ZC3H12B: variants seen among roughly 807,000 people sequenced by gnomAD.
ZC3H12B encodes the protein zinc finger CCCH-type containing 12B.
ZC3H12B carries 7 observed loss-of-function variants against 43.9 expected under a neutral mutation model. The ratio of observed to expected loss-of-function variants is 0.16; its 90% CI spans 0.09 to 0.30. ZC3H12B has a LOEUF of 0.30. ZC3H12B is among the 10% of genes least tolerant of loss of function. The pLI is 1.00. For synonymous variants in ZC3H12B, 222 were observed against 241.7 expected (o/e 0.92, Z 0.76); for missense variants, 475 against 670.2 (o/e 0.71, Z 3.22).
the ZC3H12B span, among the ~76,000 whole-genome samples, chrX:65,051,396 C>T: frequency 9.0e-6 from 1 of 110,888 alleles, no homozygotes; most frequent in African/African-American, 3.3e-5. Flanking sequence ...TCAGTTTGCT[C>T]TTCTTTTTCT....
the ZC3H12B span, among the ~76,000 whole-genome samples, chrX:65,255,821 G>A: frequency 8.9e-6 from 1 of 112,020 alleles, no homozygotes; most frequent in Non-Finnish European, 1.9e-5. Flanking sequence ...CACACAGGTT[G>A]AAAGTAAAAG....
chrX:65,061,181 G>A, the ZC3H12B span, among the ~76,000 whole-genome samples: 1 of 110,012 alleles, frequency 9.1e-6, no homozygotes, highest in African/African-American at 3.3e-5. Context: ...TAAGTTCAGG[G>A]ATACATGTGC....
At chrX:65,386,491 T>TATCC (rs1228518495) in intron 2 of ZC3H12B, among the ~76,000 whole-genome samples, 1 of 111,977 alleles carries the variant, frequency 8.9e-6, no homozygotes, top group Non-Finnish European at 1.9e-5. Flanking sequence ...TCAGTGGTGA[T>TATCC]ATCCCCTTTA....
intron 3 of ZC3H12B, among the ~76,000 whole-genome samples, chrX:65,480,702 C>T (rs892915610): frequency 1.3e-4 from 14 of 110,677 alleles, no homozygotes; most frequent in African/African-American, 4.6e-4. Flanking sequence ...CAAAATTAGC[C>T]AGGCATGGTG....
chrX:65,288,985 TTTACA>T, the ZC3H12B span, among the ~76,000 whole-genome samples: 1 of 110,867 alleles, frequency 9.0e-6, no homozygotes, highest in Non-Finnish European at 1.9e-5. Context: ...GACAATCCCA[TTTACA>T]ATAGCTACAA....
the ZC3H12B span, among the ~76,000 whole-genome samples, chrX:65,128,957 G>A: frequency 9.0e-6 from 1 of 110,917 alleles, no homozygotes; most frequent in East Asian, 2.9e-4. Flanking sequence ...TTATCCTGTA[G>A]GTGGCATATT....
At chrX:65,452,466 C>G (rs1215533429) in intron 3 of ZC3H12B, among the ~76,000 whole-genome samples, 3 of 109,452 alleles carry the variant, frequency 2.7e-5, no homozygotes, top group Non-Finnish European at 5.7e-5. Context: ...TGGGAATATA[C>G]CTAACCAAAG....
chrX:65,192,819 G>T, the ZC3H12B span, among the ~76,000 whole-genome samples: 2 of 109,987 alleles, frequency 1.8e-5, no homozygotes, highest in Non-Finnish European at 3.8e-5. Flanking sequence ...TTTTGAGATG[G>T]AGTCTCGCTC....
chrX:65,232,224 G>A, the ZC3H12B span, among the ~76,000 whole-genome samples: 29 of 111,172 alleles, frequency 2.6e-4, no homozygotes, highest in African/African-American at 7.5e-4. Flanking sequence ...CTGGGTGACA[G>A]AGTAAGACTC....
At chrX:65,391,412 G>A (rs1394402011) in intron 2 of ZC3H12B, among the ~76,000 whole-genome samples, 1 of 111,989 alleles carries the variant, frequency 8.9e-6, no homozygotes, top group Non-Finnish European at 1.9e-5. Flanking sequence ...AACATTCTTT[G>A]ATTTTGAGAA....
intron 3 of ZC3H12B, among the ~76,000 whole-genome samples, chrX:65,442,644 G>A (rs997035432): frequency 8.9e-6 from 1 of 112,163 alleles, no homozygotes; most frequent in African/African-American, 3.2e-5. Flanking sequence ...GCAGGAGTTA[G>A]ACAAGCTCGA....
intron 3 of ZC3H12B, among the ~76,000 whole-genome samples, chrX:65,481,999 C>T (rs1174085866): frequency 1.8e-5 from 2 of 111,209 alleles, no homozygotes; most frequent in African/African-American, 3.3e-5. Context: ...AGAATTGCCC[C>T]GATCCTTGTG....
chrX:65,290,268 A>G, the ZC3H12B span, among the ~76,000 whole-genome samples: 1 of 111,088 alleles, frequency 9.0e-6, no homozygotes, highest in African/African-American at 3.3e-5. Flanking sequence ...ATGAATATCA[A>G]ACCTAATAAG....
chrX:65,376,546 G>A (rs1302285250), intron 2 of ZC3H12B, among the ~76,000 whole-genome samples: 1 of 111,667 alleles, frequency 9.0e-6, no homozygotes, highest in Non-Finnish European at 1.9e-5. Flanking sequence ...TAAGTCACAC[G>A]ACACCTAGCT....
chrX:65,337,504 T>C, the ZC3H12B span, among the ~76,000 whole-genome samples: 1 of 112,594 alleles, frequency 8.9e-6, no homozygotes, highest in Non-Finnish European at 1.9e-5. Context: ...TCACTGAAAG[T>C]AACTTCAAAT....
intron 2 of ZC3H12B, among the ~76,000 whole-genome samples, chrX:65,394,794 A>G (rs988021770): frequency 1.8e-5 from 2 of 111,829 alleles, no homozygotes; most frequent in African/African-American, 6.5e-5. Flanking sequence ...TACTTTGGAG[A>G]GTATGGCCAT....
chrX:65,104,950 C>T, the ZC3H12B span, among the ~76,000 whole-genome samples: 1 of 111,791 alleles, frequency 8.9e-6, no homozygotes, highest in South Asian at 3.8e-4. Context: ...AAGACACATG[C>T]ACACGTATAT....
the ZC3H12B span, among the ~76,000 whole-genome samples, chrX:65,148,766 C>A: frequency 1.8e-5 from 2 of 111,740 alleles, no homozygotes; most frequent in Non-Finnish European, 3.8e-5. Context: ...GTGCTACACC[C>A]AGATGTTCTA....
chrX:65,137,572 G>T, the ZC3H12B span, among the ~76,000 whole-genome samples: 1 of 111,472 alleles, frequency 9.0e-6, no homozygotes, highest in Non-Finnish European at 1.9e-5. Flanking sequence ...TATCACATCA[G>T]GAAAAATTAT....
Sources: gnomAD v4.1 joint callset for allele counts (sites outside exome capture counted in the v4.1 genomes callset) on GRCh38, gnomAD v4.1.1 for gene constraint, MANE v1.5 for transcripts, NCBI Gene and HGNC (gene_info 2026-07-23, HGNC 2026-07-21) for gene names.